SPHKAP: variants seen among roughly 807,000 people sequenced by gnomAD.
SPHKAP encodes the protein SPHK1 interactor, AKAP domain containing.
In SPHKAP, 67 loss-of-function variants were observed where a neutral mutation model predicts 137.5. The observed-to-expected ratio is 0.49, with a 90% CI of 0.40 to 0.60. The LOEUF (loss-of-function observed/expected upper bound fraction) is 0.60. SPHKAP is among the 20% of genes least tolerant of loss of function. The pLI is 0.00. For missense variants in SPHKAP, 2,097 were observed against 2,069.3 expected (o/e 1.01, Z -0.26); for synonymous variants, 813 against 785.3 (o/e 1.04, Z -0.59).
intron 1 of SPHKAP, among the ~76,000 whole-genome samples, chr2:228,140,692 G>A (rs1186741189): frequency 6.6e-6 from 1 of 152,134 alleles, no homozygotes; most frequent in African/African-American, 2.4e-5. Flanking sequence ...GAAGTGATTG[G>A]ATCATGGGGG....
At chr2:228,145,929 C>T (rs1431684125) in intron 1 of SPHKAP, among the ~76,000 whole-genome samples, 1 of 152,050 alleles carries the variant, frequency 6.6e-6, no homozygotes, top group African/African-American at 2.4e-5. Flanking sequence ...GGCTTGTGGG[C>T]CTACTCCTTT....
intron 11 of SPHKAP, among the ~76,000 whole-genome samples, chr2:227,989,483 C>G (rs1030368766): frequency 6.6e-6 from 1 of 152,156 alleles, no homozygotes; most frequent in Non-Finnish European, 1.5e-5. Flanking sequence ...GTTTTTCACC[C>G]TAATCCCTGG....
chr2:228,091,833 GT>G (rs1332920452), intron 3 of SPHKAP, among the ~76,000 whole-genome samples: 1 of 152,082 alleles, frequency 6.6e-6, no homozygotes, highest in African/African-American at 2.4e-5. Context: ...ATGTGAACTA[GT>G]ACAACCACTA....
At chr2:228,036,656 G>C (rs1574783610) in intron 3 of SPHKAP, among the ~76,000 whole-genome samples, 1 of 151,948 alleles carries the variant, frequency 6.6e-6, no homozygotes, top group African/African-American at 2.4e-5. Context: ...ATGATAGACT[G>C]GATTAAGAAA....
intron 1 of SPHKAP, among the ~76,000 whole-genome samples, chr2:228,147,585 T>C (rs1467037533): frequency 1.1e-4 from 17 of 152,260 alleles, no homozygotes; most frequent in Non-Finnish European, 2.5e-4. Flanking sequence ...GGAACTTGGG[T>C]CCCGACTGTC....
intron 3 of SPHKAP, among the ~76,000 whole-genome samples, chr2:228,092,178 TGTGTGTACATGC>T: frequency 2.2e-5 from 1 of 45,446 alleles, no homozygotes; most frequent in African/African-American, 8.8e-5. Context: ...TACACACACA[TGTGTGTACATGC>T]ATACACATGC....
chr2:228,041,130 A>T (rs1402507997), intron 3 of SPHKAP, among the ~76,000 whole-genome samples: 1 of 152,218 alleles, frequency 6.6e-6, no homozygotes, highest in African/African-American at 2.4e-5. Flanking sequence ...TTTTAGGAAT[A>T]GCTTTCTTGT....
At position 228,019,533 on chromosome 2, in the gene SPHKAP, A is replaced by C. The variant is rs1694752762; in HGVS notation, c.1321T>G (p.Ser441Ala). The C allele has an allele frequency of 6.2e-7, 1 of 1,614,066 alleles. No individual in the cohort carries two copies. The highest frequency in any genetic ancestry group is 1.3e-5 in the African/African-American group (1 of 74,936). ...TTGGGGAGCTCATTCCATGACCGAGAAACCACTGTATCTTTTGTGGAATAG... is the reference window on the plus strand; with the variant it reads ...TTGGGGAGCTCATTCCATGACCGAGCAACCACTGTATCTTTTGTGGAATAG... ...SCYSTKDTVV[S>A]RSWNELPKIV... The change falls in exon 7 of 12, where the codon TCT becomes GCT. Residue 441 changes from serine to alanine, a missense_variant. By Grantham distance (99) the Ser-to-Ala change is moderately conservative. Coordinates refer to ENST00000392056, the MANE Select transcript of SPHKAP (RefSeq NM_001142644.2).
At chr2:227,994,106 G>A (rs1693531059) in intron 8 of SPHKAP, 2 of 984,652 alleles carry the variant, frequency 2.0e-6, no homozygotes, top group Non-Finnish European at 2.4e-6. Flanking sequence ...GATTTTCTCA[G>A]GGACATTCCA....
At chr2:228,008,762 C>T (rs1211392718) in intron 7 of SPHKAP, among the ~76,000 whole-genome samples, 1 of 151,446 alleles carries the variant, frequency 6.6e-6, no homozygotes, top group Non-Finnish European at 1.5e-5. Flanking sequence ...CAATATATTG[C>T]CTTTGTTTCT....
intron 7 of SPHKAP, among the ~76,000 whole-genome samples, chr2:228,001,506 C>CAGGAT (rs1693891579): frequency 7.3e-6 from 1 of 137,896 alleles, no homozygotes; most frequent in South Asian, 2.3e-4. Context: ...AGTATATATA[C>CAGGAT]GTATATATAA....
chr2:228,125,184 C>T (rs1311367509), intron 2 of SPHKAP, among the ~76,000 whole-genome samples: 1 of 152,124 alleles, frequency 6.6e-6, no homozygotes, highest in African/African-American at 2.4e-5. Context: ...GAATCCTATG[C>T]AGAGACTCGG....
intron 1 of SPHKAP, among the ~76,000 whole-genome samples, chr2:228,171,954 G>T (rs1004957596): frequency 1.3e-5 from 2 of 152,064 alleles, no homozygotes; most frequent in Non-Finnish European, 2.9e-5. Context: ...TAATGTCATT[G>T]TTTATCTTGA....
At chr2:228,141,664 C>T (rs534215367) in intron 1 of SPHKAP, among the ~76,000 whole-genome samples, 29 of 152,132 alleles carry the variant, frequency 1.9e-4, no homozygotes, top group African/African-American at 7.0e-4. Context: ...CAAGAGAACA[C>T]AGAATTTAAT....
At chr2:228,004,119 T>G (rs1413869256) in intron 7 of SPHKAP, among the ~76,000 whole-genome samples, 2 of 152,206 alleles carry the variant, frequency 1.3e-5, no homozygotes, top group Admixed American at 6.5e-5. Flanking sequence ...TTGATTGGAA[T>G]AGTTTCAAAA....
At chr2:228,160,967 G>A (rs1442771913) in intron 1 of SPHKAP, among the ~76,000 whole-genome samples, 1 of 152,160 alleles carries the variant, frequency 6.6e-6, no homozygotes, top group African/African-American at 2.4e-5. Context: ...AATGCGATGA[G>A]GCACTGTAGA....
chr2:228,140,124 G>A (rs139039981), intron 1 of SPHKAP, among the ~76,000 whole-genome samples: 1 of 151,414 alleles, frequency 6.6e-6, no homozygotes, highest in East Asian at 2.0e-4. Context: ...TTTGTATTCT[G>A]TATTGAAACA....
At chr2:227,995,296 T>C (rs1693593006) in intron 8 of SPHKAP, among the ~76,000 whole-genome samples, 1 of 152,236 alleles carries the variant, frequency 6.6e-6, no homozygotes. Flanking sequence ...TCATTCTTAA[T>C]CACGGCCAAA....
chr2:228,100,937 T>C (rs192318392), intron 3 of SPHKAP, among the ~76,000 whole-genome samples: 2 of 152,278 alleles, frequency 1.3e-5, no homozygotes, highest in African/African-American at 2.4e-5. Flanking sequence ...CAGCTCTTCA[T>C]TGTACCTCTG....
Sources: allele counts gnomAD v4.1 joint callset (sites outside exome capture counted in the v4.1 genomes callset), GRCh38; gene constraint gnomAD v4.1.1; transcripts MANE v1.5; gene names NCBI Gene and HGNC (gene_info 2026-07-23, HGNC 2026-07-21).